RB1: variants seen among roughly 807,000 people sequenced by gnomAD.
RB1 encodes the protein retinoblastoma-associated protein.
A neutral mutation model predicts 135.4 loss-of-function variants in RB1; 18 were observed. That is an observed-to-expected ratio of 0.13 (90% CI 0.09 to 0.20). RB1 has a LOEUF of 0.20. Among genes scored for constraint, RB1 ranks in the 10% least tolerant of loss-of-function variants. The pLI, the probability that RB1 is intolerant of heterozygous loss-of-function variation, is 1.00. For missense variants in RB1, 868 were observed against 1,110.0 expected, an observed-to-expected ratio of 0.78 and a Z score of 3.10; for synonymous variants, 365 against 373.2, an observed-to-expected ratio of 0.98 and a Z score of 0.25.
At chr13:48,366,451 T>G (rs1440917585) in intron 9 of RB1, among the ~76,000 whole-genome samples, 1 of 152,200 alleles carries the variant, frequency 6.6e-6, no homozygotes. Context: ...TTTAATTGGA[T>G]TTCTTCCTAT....
rs752342013 is a variant in RB1 at position 48,362,881 on chromosome 13, G to A, written c.785G>A (p.Arg262Gln). The A allele has an allele frequency of 4.3e-6, 7 of 1,613,626 alleles. No homozygotes were observed. The highest frequency in any genetic ancestry group is 3.3e-5 in the Admixed American group (2 of 59,980). ...AGGCGAGGTCAGAACAGGAGTGCACGGATAGCAAAACAACTAGAAAATGAT... is the reference window on the plus strand; with the variant it reads ...AGGCGAGGTCAGAACAGGAGTGCACAGATAGCAAAACAACTAGAAAATGAT... Reference protein sequence around the residue: ...TPRRGQNRSARIAKQLENDTR... With the variant: ...TPRRGQNRSAQIAKQLENDTR... Residue 262 changes from arginine (R) to glutamine (Q), a missense_variant, in exon 8 of 27, where the codon CGG becomes CAG. Transcript: ENST00000267163.
chr13:48,462,843 G>GT (rs1215049811), intron 20 of RB1, among the ~76,000 whole-genome samples: 1 of 152,010 alleles, frequency 6.6e-6, no homozygotes, highest in African/African-American at 2.4e-5. Flanking sequence ...TTTTTGAAGA[G>GT]TTTTTTTCTC....
chr13:48,380,292 TGTG>T, intron 16 of RB1, 51 bp downstream of exon 16: 3 of 1,364,276 alleles, frequency 2.2e-6, no homozygotes, highest in Non-Finnish European at 3.1e-6. Flanking sequence ...AAAGTTAAAA[TGTG>T]GTGTGTTTCT....
intron 2 of RB1, among the ~76,000 whole-genome samples, chr13:48,340,474 T>C (rs973331908): frequency 2.6e-5 from 4 of 152,114 alleles, no homozygotes; most frequent in Non-Finnish European, 4.4e-5. Flanking sequence ...CTGTGTTTCA[T>C]TGTTTTGACT....
intron 17 of RB1, among the ~76,000 whole-genome samples, chr13:48,432,108 G>C (rs1451929017): frequency 1.3e-5 from 2 of 152,126 alleles, no homozygotes; most frequent in African/African-American, 4.8e-5. Context: ...GGCTTTTACT[G>C]TTCTACATAG....
intron 2 of RB1, among the ~76,000 whole-genome samples, chr13:48,336,878 T>G (rs541287575): frequency 1.1e-4 from 16 of 152,214 alleles, no homozygotes; most frequent in African/African-American, 3.4e-4. Context: ...TCTGGTATGT[T>G]GTGTCTTTGT....
chr13:48,320,422 G>A, intron 2 of RB1: 1 of 1,090,492 alleles, frequency 9.2e-7, no homozygotes, highest in Non-Finnish European at 1.4e-6. Flanking sequence ...TGGGCCAAAG[G>A]CCTCCCATTT....
intron 2 of RB1, among the ~76,000 whole-genome samples, chr13:48,314,957 T>C (rs943961510): frequency 6.6e-6 from 1 of 152,206 alleles, no homozygotes; most frequent in African/African-American, 2.4e-5. Context: ...AATTGGGTAA[T>C]GTGATGCCTC....
chr13:48,341,921 A>G (rs1465027065), intron 2 of RB1, among the ~76,000 whole-genome samples: 1 of 152,004 alleles, frequency 6.6e-6, no homozygotes, highest in Non-Finnish European at 1.5e-5. Context: ...ATAAAATGTA[A>G]TATTTAGGGG....
At chr13:48,402,851 T>G (rs1948705518) in intron 17 of RB1, among the ~76,000 whole-genome samples, 1 of 152,200 alleles carries the variant, frequency 6.6e-6, no homozygotes, top group African/African-American at 2.4e-5. Flanking sequence ...CCAATAATTT[T>G]GGCCATTAGC....
intron 17 of RB1, chr13:48,411,758 T>G: frequency 6.2e-7 from 1 of 1,611,108 alleles, no homozygotes; most frequent in Non-Finnish European, 8.5e-7. Context: ...TAGTTTTGTT[T>G]ATTTTGCTTC....
chr13:48,317,024 C>G (rs1952190282), intron 2 of RB1: 2 of 596,194 alleles, frequency 3.4e-6, no homozygotes, highest in Non-Finnish European at 5.4e-6. Context: ...CCTCCGAGCC[C>G]GAGTTCCTCC....
intron 17 of RB1, among the ~76,000 whole-genome samples, chr13:48,415,016 A>G (rs558499410): frequency 6.6e-6 from 1 of 152,062 alleles, no homozygotes; most frequent in South Asian, 2.1e-4. Context: ...TTGGTTCAGT[A>G]TGTTTTAAAA....
intron 20 of RB1, among the ~76,000 whole-genome samples, chr13:48,461,606 T>C (rs1949405701): frequency 6.6e-6 from 1 of 152,182 alleles, no homozygotes; most frequent in Non-Finnish European, 1.5e-5. Flanking sequence ...TTTACATGCC[T>C]ACCAATAATG....
chr13:48,303,810 G>T lies in RB1; in HGVS notation c.-103G>T. ...CTCAGGGGACGTTGAAATTATTTTTGTAACGGGAGTCGGGAGAGGACGGGG... is the reference window on the plus strand; with the variant it reads ...CTCAGGGGACGTTGAAATTATTTTTTTAACGGGAGTCGGGAGAGGACGGGG... On this transcript the variant is annotated 5_prime_UTR_variant, in exon 1 of 27. Coordinates refer to ENST00000267163, the MANE Select transcript of RB1 (RefSeq NM_000321.3). 7.0e-7 allele frequency: 1 copy of T among 1,438,440 alleles called. No homozygotes were observed. Among genetic ancestry groups the T allele is most frequent in the South Asian group, 1.3e-5 (1 of 76,498 alleles). 89.1% of individuals were successfully genotyped at this position (1,438,440 alleles called of 1,614,324 possible). A position where few individuals can be genotyped will look rare whatever the true frequency, so the allele number is the denominator to read the frequency against.
chr13:48,322,125 A>G (rs1007806866), intron 2 of RB1, among the ~76,000 whole-genome samples: 1 of 152,142 alleles, frequency 6.6e-6, no homozygotes, highest in African/African-American at 2.4e-5. Flanking sequence ...CCTATTTTTT[A>G]GATTCCACAT....
At chr13:48,437,567 A>G (rs975904662) in intron 17 of RB1, among the ~76,000 whole-genome samples, 1 of 152,156 alleles carries the variant, frequency 6.6e-6, no homozygotes, top group East Asian at 1.9e-4. Flanking sequence ...GGGATTGGAG[A>G]GTCTACTTCC....
chr13:48,308,868 T>C (rs1036473227), intron 2 of RB1, among the ~76,000 whole-genome samples: 4 of 152,196 alleles, frequency 2.6e-5, no homozygotes, highest in African/African-American at 9.6e-5. Flanking sequence ...CATGTAGTTA[T>C]GTATAGTTAC....
At chr13:48,333,158 T>G (rs1326887447) in intron 2 of RB1, 1 of 397,314 alleles carries the variant, frequency 2.5e-6, no homozygotes, top group East Asian at 3.6e-5. Flanking sequence ...ACACCTTAAA[T>G]ATAAACTTTT....
Sources: allele counts gnomAD v4.1 joint callset (sites outside exome capture counted in the v4.1 genomes callset), GRCh38; gene constraint gnomAD v4.1.1; transcripts MANE v1.5; gene names NCBI Gene and HGNC (gene_info 2026-07-23, HGNC 2026-07-21).